Variants in KCNH5 observed in about 807,000 individuals in gnomAD.
The protein encoded by KCNH5 is potassium voltage-gated channel subfamily H member 5, also known as voltage-gated delayed rectifier potassium channel KCNH5.
Under a neutral mutation model 96.1 loss-of-function variants are expected in KCNH5, and 46 were observed. The ratio of observed to expected loss-of-function variants is 0.48; its 90% CI spans 0.38 to 0.61. KCNH5 has a LOEUF of 0.61. KCNH5 is among the 20% of genes least tolerant of loss of function. KCNH5 has a pLI of 0.00. For missense variants in KCNH5, 907 were observed against 1,225.8 expected (o/e 0.74, Z 3.88); for synonymous variants, 439 against 449.8 (o/e 0.98, Z 0.30).
At chr14:62,945,747 G>A (rs1186709890) in intron 7 of KCNH5, among the ~76,000 whole-genome samples, 1 of 152,022 alleles carries the variant, frequency 6.6e-6, no homozygotes, top group African/African-American at 2.4e-5. Flanking sequence ...CATGAATTCG[G>A]GTCATAGGTC....
chr14:62,708,287 C>G lies in KCNH5; in HGVS notation c.2188G>C (p.Glu730Gln). Residue 730 changes from glutamate to glutamine, a missense_variant, in exon 11 of 11, where the codon GAG (glutamate) becomes CAG (glutamine). This residue lies in a region of KCNH5 where 362 missense variants were observed against 394.4 expected (regional missense o/e 0.92). Coordinates refer to ENST00000322893, the MANE Select transcript of KCNH5 (RefSeq NM_139318.5). ...RNQGSTQGDP[E>Q]RNQLQVESRS... ...CTCTCTACCTGGAGTTGGTTCCTCT[C>G]AGGGTCACCCTGTGTTGAGCCCTGA... The G allele has an allele frequency of 1.2e-6, 2 of 1,614,192 alleles. No homozygotes were observed. Among genetic ancestry groups the G allele is most frequent in the African/African-American group, 1.3e-5 (1 of 75,056 alleles).
chr14:62,901,589 T>C (rs1199454492), intron 7 of KCNH5, among the ~76,000 whole-genome samples: 1 of 152,228 alleles, frequency 6.6e-6, no homozygotes, highest in Non-Finnish European at 1.5e-5. Context: ...TAGTATTCCA[T>C]GGTAGATATG....
intron 7 of KCNH5, among the ~76,000 whole-genome samples, chr14:62,916,453 T>G (rs1889276562): frequency 6.6e-6 from 1 of 152,230 alleles, no homozygotes. Flanking sequence ...GGTCACTGCT[T>G]AATTTTATTA....
chr14:63,009,901 A>G (rs773328596), intron 2 of KCNH5, among the ~76,000 whole-genome samples: 14 of 152,218 alleles, frequency 9.2e-5, no homozygotes, highest in African/African-American at 2.4e-4. Flanking sequence ...TTATAGAAAT[A>G]GTAATCAACG....
chr14:62,714,654 T>C (rs1389003289), intron 10 of KCNH5, among the ~76,000 whole-genome samples: 13 of 152,194 alleles, frequency 8.5e-5, no homozygotes, highest in Admixed American at 8.5e-4. Context: ...ATGAAGAAAT[T>C]ATTATAGAAA....
chr14:63,030,013 A>G (rs79475092), intron 1 of KCNH5, among the ~76,000 whole-genome samples: 1,752 of 152,294 alleles, frequency 0.012, 25 homozygotes, highest in African/African-American at 0.03. Context: ...TCTAGAAAGT[A>G]AGAGGGTTTA....
intron 10 of KCNH5, chr14:62,712,513 CTG>C (rs908222498): frequency 1.6e-6 from 1 of 637,324 alleles, no homozygotes; most frequent in African/African-American, 1.8e-5. Flanking sequence ...GGTCACACAA[CTG>C]TGTGTCCAGG....
At chr14:62,839,413 G>A (rs777857691) in intron 8 of KCNH5, among the ~76,000 whole-genome samples, 9 of 152,108 alleles carry the variant, frequency 5.9e-5, no homozygotes, top group Non-Finnish European at 1.0e-4. Flanking sequence ...ACCCTGATCT[G>A]AATATATTCT....
intron 6 of KCNH5, among the ~76,000 whole-genome samples, chr14:62,965,772 G>C (rs1388890877): frequency 6.6e-6 from 1 of 152,032 alleles, no homozygotes; most frequent in African/African-American, 2.4e-5. Context: ...GTACTGGCAG[G>C]CTTCTGTACA....
At chr14:62,848,524 C>G (rs1198041376) in intron 8 of KCNH5, among the ~76,000 whole-genome samples, 1 of 152,104 alleles carries the variant, frequency 6.6e-6, no homozygotes, top group African/African-American at 2.4e-5. Flanking sequence ...AGTATCTCAC[C>G]TGCACTCCCT....
At chr14:62,727,869 G>A (rs1884966101) in intron 10 of KCNH5, among the ~76,000 whole-genome samples, 1 of 149,954 alleles carries the variant, frequency 6.7e-6, no homozygotes, top group Non-Finnish European at 1.5e-5. Flanking sequence ...GTACTAAACA[G>A]ACTAAACGCT....
At chr14:62,719,557 C>A (rs1009925718) in intron 10 of KCNH5, among the ~76,000 whole-genome samples, 1 of 152,032 alleles carries the variant, frequency 6.6e-6, no homozygotes, top group South Asian at 2.1e-4. Context: ...AGCCACACGG[C>A]GAAAGAAGAT....
intron 10 of KCNH5, among the ~76,000 whole-genome samples, chr14:62,743,221 A>G (rs531558199): frequency 6.6e-6 from 1 of 152,336 alleles, no homozygotes; most frequent in South Asian, 2.1e-4. Flanking sequence ...GCTGTGAATA[A>G]AAGTATAATG....
chr14:62,789,579 T>G (rs549778715), intron 9 of KCNH5, among the ~76,000 whole-genome samples: 4 of 152,130 alleles, frequency 2.6e-5, no homozygotes, highest in South Asian at 4.1e-4. Context: ...CTCCACACCC[T>G]CATCAACATT....
At chr14:62,977,664 T>C (rs1182421464) in intron 6 of KCNH5, among the ~76,000 whole-genome samples, 19 of 152,176 alleles carry the variant, frequency 1.2e-4, no homozygotes, top group Admixed American at 1.2e-3. Flanking sequence ...AAATGAAACA[T>C]TGCCAACTGT....
At chr14:62,712,360 C>T (rs1272420766) in intron 10 of KCNH5, 10 of 387,594 alleles carry the variant, frequency 2.6e-5, no homozygotes, top group East Asian at 1.7e-4. Context: ...CTTCCACACA[C>T]GTATTTTCTC....
intron 6 of KCNH5, among the ~76,000 whole-genome samples, chr14:62,963,727 A>G (rs1383143633): frequency 6.6e-6 from 1 of 152,146 alleles, no homozygotes; most frequent in Admixed American, 6.6e-5. Context: ...TCTCAGCAAG[A>G]AACAGATACA....
chr14:62,824,207 G>A (rs952636142), intron 8 of KCNH5, among the ~76,000 whole-genome samples: 19 of 151,850 alleles, frequency 1.3e-4, no homozygotes, highest in African/African-American at 4.6e-4. Context: ...AGCAGTTCAG[G>A]GCTACCAAGA....
At chr14:62,928,384 G>A (rs1367949359) in intron 7 of KCNH5, among the ~76,000 whole-genome samples, 6 of 152,024 alleles carry the variant, frequency 3.9e-5, no homozygotes, top group Non-Finnish European at 7.4e-5. Context: ...CTTACCAAAA[G>A]ATTATGACTG....
Sources: gnomAD v4.1 joint callset for allele counts (sites outside exome capture counted in the v4.1 genomes callset) on GRCh38, gnomAD v4.1.1 for gene constraint, gnomAD v4.1.1 regional missense constraint, MANE v1.5 for transcripts, NCBI Gene and HGNC (gene_info 2026-07-23, HGNC 2026-07-21) for gene names.